Variants in GCNT1 observed in about 807,000 individuals in gnomAD.
GCNT1 encodes the protein glucosaminyl (N-acetyl) transferase 1, also known as beta-1,3-galactosyl-O-glycosyl-glycoprotein beta-1,6-N-acetylglucosaminyltransferase.
In GCNT1, 16 loss-of-function variants were observed where a neutral mutation model predicts 26.2. That is an observed-to-expected ratio of 0.61 (90% confidence interval 0.41 to 0.93). The LOEUF (loss-of-function observed/expected upper bound fraction) is 0.93, where lower values mean the gene tolerates loss of function less well. Among genes scored for constraint, GCNT1 ranks in the 40% least tolerant of loss-of-function variants. The probability of loss-of-function intolerance (pLI) is 0.00; values close to 1 mark genes in which losing one functional copy is unlikely to be tolerated. For missense variants in GCNT1, 477 were observed against 526.7 expected (o/e 0.91, Z 0.92); for synonymous variants, 183 against 190.8 (o/e 0.96, Z 0.34).
chr9:76,449,514 C>T (rs55945017), intron 1 of GCNT1, among the ~76,000 whole-genome samples: 17,398 of 152,176 alleles, frequency 0.11, 1,105 homozygotes, highest in Middle Eastern at 0.23. Context: ...TGCCCTCTCC[C>T]ATACCAGAAT....
intron 2 of GCNT1, among the ~76,000 whole-genome samples, chr9:76,489,629 A>G (rs1824673773): frequency 6.6e-6 from 1 of 152,166 alleles, no homozygotes; most frequent in South Asian, 2.1e-4. Flanking sequence ...GTGCATTTAC[A>G]ATCCTCTAGC....
chr9:76,411,745 A>G, the GCNT1 span, among the ~76,000 whole-genome samples: 2 of 125,372 alleles, frequency 1.6e-5, 1 homozygote, highest in Admixed American at 1.9e-4. Flanking sequence ...TCTGTGGCCC[A>G]GGCTGGAGTG....
chr9:76,487,577 A>T (rs1824613344), intron 2 of GCNT1, among the ~76,000 whole-genome samples: 1 of 152,086 alleles, frequency 6.6e-6, no homozygotes, highest in African/African-American at 2.4e-5. Flanking sequence ...CTTCTTGAAG[A>T]TGTCTCTCCC....
At chr9:76,438,082 C>A (rs1165402982), upstream of GCNT1, among the ~76,000 whole-genome samples, 1 of 152,038 alleles carries the variant, frequency 6.6e-6, no homozygotes, top group Non-Finnish European at 1.5e-5. Flanking sequence ...AGGTCTCAAG[C>A]AATTTAGAGA....
chr9:76,420,730 T>G (rs1352802789), intron 1 of GCNT1: 1 of 152,050 alleles, frequency 6.6e-6, no homozygotes, highest in African/African-American at 2.4e-5. Flanking sequence ...GCTCAGGAGT[T>G]TAAGATCAGC....
At chr9:76,454,842 C>CTTTTTTTTTTTTTTT (rs1183951605), upstream of GCNT1, among the ~76,000 whole-genome samples, 70 of 105,650 alleles carry the variant, frequency 6.6e-4, no homozygotes, top group Non-Finnish European at 7.9e-4. Flanking sequence ...CTTTTCTTTT[C>CTTTTTTTTTTTTTTT]TTTTTTTTTT....
At chr9:76,463,919 G>C (rs900088553) in intron 2 of GCNT1, among the ~76,000 whole-genome samples, 2 of 152,142 alleles carry the variant, frequency 1.3e-5, no homozygotes, top group East Asian at 3.9e-4. Flanking sequence ...CCTGGGGGCA[G>C]GTATGGTGGC....
upstream of GCNT1, among the ~76,000 whole-genome samples, chr9:76,454,391 A>AG (rs1034520068): frequency 1.1e-4 from 16 of 139,828 alleles, no homozygotes; most frequent in African/African-American, 4.6e-4. Flanking sequence ...GAAAAGAAAA[A>AG]AAAAAAAAAA....
chr9:76,467,075 C>A (rs1824013762), intron 2 of GCNT1, among the ~76,000 whole-genome samples: 1 of 151,488 alleles, frequency 6.6e-6, no homozygotes. Context: ...TGGAGTCTTG[C>A]TCTGTTGCCC....
chr9:76,394,437 A>G, the GCNT1 span: 2 of 356,994 alleles, frequency 5.6e-6, no homozygotes, highest in Non-Finnish European at 1.0e-5. Flanking sequence ...GCCGGGTGTG[A>G]GCGGGGTGGG....
Position 76,503,540 on chromosome 9 carries a change from G to A in GCNT1, c.1159G>A (p.Asp387Asn). The A allele has an allele frequency of 6.2e-7, 1 of 1,614,188 alleles. No homozygotes were observed. The highest frequency in any genetic ancestry group is 8.5e-7 in the Non-Finnish European group (1 of 1,180,030). ...VRSVCIFGAGDLNWMLRKHHL... is the reference protein window; with the variant it reads ...VRSVCIFGAGNLNWMLRKHHL... ...CTCAGTGTGCATTTTCGGAGCTGGT[G>A]ACTTGAACTGGATGCTGCGCAAACA... The change falls in exon 4 of 4, where the codon GAC becomes AAC. Residue 387 changes from aspartate to asparagine, a missense_variant. Asp to Asn is a conservative substitution (Grantham distance 23). Transcript: ENST00000376730.
intron 2 of GCNT1, among the ~76,000 whole-genome samples, chr9:76,484,218 C>T (rs538756253): frequency 2.0e-5 from 3 of 152,136 alleles, no homozygotes; most frequent in East Asian, 3.9e-4. Context: ...CATAGTGAGA[C>T]CCTATCTCTA....
At chr9:76,453,354 G>C in intron 1 of GCNT1, among the ~76,000 whole-genome samples, 1 of 152,126 alleles carries the variant, frequency 6.6e-6, no homozygotes, top group Admixed American at 6.6e-5. Flanking sequence ...GGTTTAAAGT[G>C]GTAAAAAGGA....
At chr9:76,419,069 A>C (rs1193878430), upstream of GCNT1, among the ~76,000 whole-genome samples, 1 of 152,146 alleles carries the variant, frequency 6.6e-6, no homozygotes, top group East Asian at 1.9e-4. Flanking sequence ...GTATACCAAA[A>C]CACCATATTT....
chr9:76,415,577 C>T (rs1823125589), upstream of GCNT1, among the ~76,000 whole-genome samples: 1 of 152,204 alleles, frequency 6.6e-6, no homozygotes, highest in South Asian at 2.1e-4. Context: ...GAAGCCATTT[C>T]CCCTCCCATG....
At chr9:76,419,695 T>C (rs1273803457), upstream of GCNT1, among the ~76,000 whole-genome samples, 1 of 152,136 alleles carries the variant, frequency 6.6e-6, no homozygotes, top group Non-Finnish European at 1.5e-5. Flanking sequence ...AAAGAAAAAA[T>C]GTAAAGCAAT....
At chr9:76,412,633 C>T in the GCNT1 span, among the ~76,000 whole-genome samples, 1 of 152,190 alleles carries the variant, frequency 6.6e-6, no homozygotes, top group African/African-American at 2.4e-5. Context: ...CCTCAGCATC[C>T]ATTTTGAACA....
intron 2 of GCNT1, among the ~76,000 whole-genome samples, chr9:76,467,491 T>C (rs904131209): frequency 6.6e-6 from 1 of 152,010 alleles, no homozygotes; most frequent in Non-Finnish European, 1.5e-5. Context: ...CTGTGGAACT[T>C]TTAAAAAAAC....
intron 1 of GCNT1, among the ~76,000 whole-genome samples, chr9:76,444,980 T>C (rs191740394): frequency 6.0e-4 from 91 of 152,238 alleles, no homozygotes; most frequent in African/African-American, 2.1e-3. Flanking sequence ...AGGTAAGAGG[T>C]TGTGAGAGAA....
Sources: gnomAD v4.1 joint callset for allele counts (sites outside exome capture counted in the v4.1 genomes callset) on GRCh38, gnomAD v4.1.1 for gene constraint, MANE v1.5 for transcripts, NCBI Gene and HGNC (gene_info 2026-07-23, HGNC 2026-07-21) for gene names.